The following PRELID2 variants were observed in gnomAD, a reference collection of about 807,000 sequenced individuals.
The protein encoded by PRELID2 is PRELI domain containing 2, also known as PRELI domain-containing protein 2.
A neutral mutation model predicts 28.4 loss-of-function variants in PRELID2; 25 were observed. The observed-to-expected ratio is 0.88, with a 90% CI of 0.64 to 1.23. The LOEUF (loss-of-function observed/expected upper bound fraction) is 1.23, where lower values mean the gene tolerates loss of function less well. PRELID2 is among the 50% of genes most tolerant of loss of function. The pLI is 0.00. For missense variants in PRELID2, 201 were observed against 214.4 expected (o/e 0.94, Z 0.39); for synonymous variants, 76 against 71.6 (o/e 1.06, Z -0.31).
chr5:145,452,243 G>A, the PRELID2 span, among the ~76,000 whole-genome samples: 16 of 152,054 alleles, frequency 1.1e-4, no homozygotes, highest in Middle Eastern at 3.4e-3. Flanking sequence ...ATGACTTGTC[G>A]TCACTTTATA....
chr5:145,469,387 T>G (rs977270984), downstream of PRELID2, among the ~76,000 whole-genome samples: 10 of 152,126 alleles, frequency 6.6e-5, no homozygotes, highest in Non-Finnish European at 8.8e-5. Context: ...CCTTTACCTA[T>G]GGATAAAATG....
chr5:145,442,402 C>A, the PRELID2 span, among the ~76,000 whole-genome samples: 1 of 152,014 alleles, frequency 6.6e-6, no homozygotes, highest in African/African-American at 2.4e-5. Flanking sequence ...GATGTCATTA[C>A]AATTCTGCAT....
the PRELID2 span, among the ~76,000 whole-genome samples, chr5:145,364,133 G>A: frequency 1.3e-5 from 2 of 151,990 alleles, no homozygotes; most frequent in African/African-American, 4.8e-5. Flanking sequence ...GAAGAAAATA[G>A]GAGTGTGATA....
intron 1 of PRELID2, among the ~76,000 whole-genome samples, chr5:145,656,690 G>T (rs947538626): frequency 1.4e-5 from 2 of 143,676 alleles, no homozygotes; most frequent in South Asian, 4.4e-4. Context: ...TTCATAGGTG[G>T]AAATTGAACA....
intron 1 of PRELID2, among the ~76,000 whole-genome samples, chr5:145,654,075 C>T (rs530445796): frequency 1.6e-4 from 25 of 152,052 alleles, no homozygotes; most frequent in African/African-American, 3.4e-4. Flanking sequence ...ATATCACCAC[C>T]GATCCCACAG....
chr5:145,670,814 G>T (rs1754692506), intron 1 of PRELID2, among the ~76,000 whole-genome samples: 1 of 152,110 alleles, frequency 6.6e-6, no homozygotes, highest in African/African-American at 2.4e-5. Flanking sequence ...TCAGTAGCTG[G>T]ATCTAGAAAA....
chr5:145,349,839 C>T, the PRELID2 span, among the ~76,000 whole-genome samples: 1 of 152,096 alleles, frequency 6.6e-6, no homozygotes, highest in Admixed American at 6.6e-5. Context: ...CATATCAAAT[C>T]ATCTAAATTT....
chr5:145,664,739 G>A (rs1355340717), intron 1 of PRELID2, among the ~76,000 whole-genome samples: 1 of 152,116 alleles, frequency 6.6e-6, no homozygotes, highest in Non-Finnish European at 1.5e-5. Context: ...GGTGCATAGA[G>A]TAGCTCTGTC....
At chr5:145,711,549 G>A (rs1755695767) in intron 1 of PRELID2, among the ~76,000 whole-genome samples, 1 of 152,176 alleles carries the variant, frequency 6.6e-6, no homozygotes, top group African/African-American at 2.4e-5. Flanking sequence ...CACCTGCCAA[G>A]TCTCTCCCAC....
intron 1 of PRELID2, among the ~76,000 whole-genome samples, chr5:145,731,849 G>A (rs943887724): frequency 2.0e-5 from 3 of 152,158 alleles, no homozygotes; most frequent in Admixed American, 2.0e-4. Flanking sequence ...GAGTAGAAGG[G>A]AGATAAGGAG....
At chr5:145,270,656 A>T in the PRELID2 span, among the ~76,000 whole-genome samples, 1 of 152,128 alleles carries the variant, frequency 6.6e-6, no homozygotes, top group African/African-American at 2.4e-5. Context: ...TTTCTTGTAA[A>T]CTGTTTTCTA....
At chr5:145,656,563 T>A (rs1754399558) in intron 1 of PRELID2, among the ~76,000 whole-genome samples, 1 of 152,106 alleles carries the variant, frequency 6.6e-6, no homozygotes, top group African/African-American at 2.4e-5. Flanking sequence ...CATGGAATAC[T>A]ATGCAGCCAT....
At chr5:145,302,494 TTGTC>T in the PRELID2 span, among the ~76,000 whole-genome samples, 318 of 152,206 alleles carry the variant, frequency 2.1e-3, 7 homozygotes, top group East Asian at 0.053. Context: ...GCATTTGTAT[TTGTC>T]TGGTATATAT....
chr5:145,513,302 A>G (rs1389465245), intron 1 of PRELID2, among the ~76,000 whole-genome samples: 2 of 151,950 alleles, frequency 1.3e-5, no homozygotes, highest in African/African-American at 4.8e-5. Flanking sequence ...AAATGACCTG[A>G]AGGAGCTGAA....
the PRELID2 span, among the ~76,000 whole-genome samples, chr5:145,279,500 G>A: frequency 1.3e-5 from 2 of 152,148 alleles, no homozygotes; most frequent in African/African-American, 4.8e-5. Flanking sequence ...AATAATAATC[G>A]CCTCTATGTG....
At chr5:145,573,031 C>G (rs1753028292) in intron 1 of PRELID2, among the ~76,000 whole-genome samples, 1 of 152,180 alleles carries the variant, frequency 6.6e-6, no homozygotes, top group Non-Finnish European at 1.5e-5. Context: ...GCTACCCTCC[C>G]TTAGGCAATA....
At chr5:145,530,034 T>C (rs1370886913) in intron 1 of PRELID2, among the ~76,000 whole-genome samples, 1 of 152,144 alleles carries the variant, frequency 6.6e-6, no homozygotes, top group African/African-American at 2.4e-5. Context: ...GCTTTATGTC[T>C]CAGATAACTT....
At chr5:145,289,938 T>A in the PRELID2 span, among the ~76,000 whole-genome samples, 2 of 152,324 alleles carry the variant, frequency 1.3e-5, no homozygotes, top group East Asian at 3.9e-4. Context: ...TGCCATTTTT[T>A]AATTGGGTTG....
chr5:145,653,306 C>G (rs1056191148), intron 1 of PRELID2, among the ~76,000 whole-genome samples: 1 of 152,158 alleles, frequency 6.6e-6, no homozygotes, highest in Non-Finnish European at 1.5e-5. Flanking sequence ...TAATGGGAGA[C>G]TTTAACACCC....
Sources: allele counts gnomAD v4.1 joint callset (sites outside exome capture counted in the v4.1 genomes callset), GRCh38; gene constraint gnomAD v4.1.1; transcripts MANE v1.5; gene names NCBI Gene and HGNC (gene_info 2026-07-23, HGNC 2026-07-21).